The following HHLA2 variants were observed in gnomAD, a reference collection of about 807,000 sequenced individuals.
The protein encoded by HHLA2 is HHLA2 member of B7 family, also known as HERV-H LTR-associating protein 2.
In HHLA2, 48 loss-of-function variants were observed where a neutral mutation model predicts 45.9. The observed-to-expected ratio is 1.05, with a 90% confidence interval of 0.83 to 1.33. The LOEUF (loss-of-function observed/expected upper bound fraction) is 1.33. Ranked by LOEUF, HHLA2 falls within the 40% of genes most tolerant of loss-of-function variation. The pLI is 0.00. For synonymous variants in HHLA2, 161 were observed against 173.9 expected (o/e 0.93, Z 0.59); for missense variants, 462 against 494.3 (o/e 0.93, Z 0.62).
chr3:108,334,820 T>C (rs915143562), intron 3 of HHLA2, among the ~76,000 whole-genome samples: 4 of 152,088 alleles, frequency 2.6e-5, no homozygotes, highest in Admixed American at 6.6e-5. Flanking sequence ...AGGGGTGAGG[T>C]CACCTTATGG....
chr3:108,358,791 A>C (rs543035354), intron 7 of HHLA2, among the ~76,000 whole-genome samples: 72 of 152,332 alleles, frequency 4.7e-4, no homozygotes, highest in African/African-American at 1.7e-3. Flanking sequence ...ACATCATGGC[A>C]GACCATGGCA....
chr3:108,352,414 C>G (rs56110862), intron 4 of HHLA2, among the ~76,000 whole-genome samples: 6,117 of 152,164 alleles, frequency 0.04, 182 homozygotes, highest in Non-Finnish European at 0.054. Flanking sequence ...AGAAAGAGCC[C>G]CAGAAGGGAA....
intron 3 of HHLA2, among the ~76,000 whole-genome samples, chr3:108,340,646 CCTT>C (rs1368045932): frequency 1.6e-4 from 24 of 152,064 alleles, no homozygotes; most frequent in Non-Finnish European, 1.2e-4. Flanking sequence ...TTATACTCTC[CCTT>C]CTTTAGTCTT....
chr3:108,321,168 A>C (rs2081194932), intron 2 of HHLA2, among the ~76,000 whole-genome samples: 2 of 149,972 alleles, frequency 1.3e-5, no homozygotes, highest in Admixed American at 1.3e-4. Context: ...ATGTCCATTT[A>C]GACTCACTCC....
chr3:108,364,198 G>A (rs1425049177), intron 8 of HHLA2, among the ~76,000 whole-genome samples: 1 of 152,094 alleles, frequency 6.6e-6, no homozygotes, highest in Non-Finnish European at 1.5e-5. Context: ...CTGTGTCCAA[G>A]TGATCTCATT....
chr3:108,337,783 G>A (rs1041369178), intron 3 of HHLA2, among the ~76,000 whole-genome samples: 2 of 151,704 alleles, frequency 1.3e-5, no homozygotes, highest in Non-Finnish European at 2.9e-5. Context: ...GAATTGTCTG[G>A]GCCTTTGCTC....
At chr3:108,314,417 T>A (rs1576105261) in intron 2 of HHLA2, among the ~76,000 whole-genome samples, 1 of 152,310 alleles carries the variant, frequency 6.6e-6, no homozygotes, top group Middle Eastern at 3.4e-3. Context: ...CTTCCCCTTT[T>A]GAATCTTTTC....
rs200183681 is a variant in HHLA2, at chr3:108,358,045, A to G, written c.887A>G (p.Asn296Ser). Residue 296 changes from asparagine (N) to serine (S), a missense_variant, in exon 7 of 11, where the codon AAC becomes AGC. Transcript: ENST00000619531. ...TTCTCATGGAACAAAGAGCTGATAA[A>G]CCAGAGTGACTTCTCTATGAATTTG... The G allele has an allele frequency of 2.4e-5, 38 of 1,613,742 alleles. No homozygotes were observed. In the East Asian group the frequency reaches 8.5e-4, roughly 36 times the overall value.
Position 108,343,229 on chromosome 3 carries a change from G to A in HHLA2, c.-26-8559G>A, listed in dbSNP as rs913241054. On this transcript the variant is annotated intron_variant, in intron 3 of 10. Coordinates refer to ENST00000619531, the Ensembl canonical transcript of HHLA2. ...TGAACCTTTCCTGGCTCTAACTTAC[G>A]TATGGATTATGAGTAGAAGACAAGG... 3.9e-5 allele frequency among the ~76,000 whole-genome samples: 6 copies of A among 152,130 alleles called. No individual in the cohort carries two copies. The South Asian group carries it at 1.0e-3, about 26-fold the overall frequency.
intron 8 of HHLA2, among the ~76,000 whole-genome samples, chr3:108,372,511 C>T (rs1415150139): frequency 4.5e-4 from 16 of 35,378 alleles, no homozygotes; most frequent in Non-Finnish European, 1.5e-3. Context: ...ACACAAAAAA[C>T]CCTTCAAAAA....
At chr3:108,357,168 C>A (rs1225915746) in intron 6 of HHLA2, among the ~76,000 whole-genome samples, 4 of 152,100 alleles carry the variant, frequency 2.6e-5, no homozygotes, top group Admixed American at 2.6e-4. Context: ...CATCACTCTC[C>A]TGCAGGTAGA....
intron 6 of HHLA2, among the ~76,000 whole-genome samples, chr3:108,356,943 A>G (rs1001557797): frequency 3.3e-5 from 5 of 152,228 alleles, no homozygotes; most frequent in Non-Finnish European, 5.9e-5. Flanking sequence ...GGAGAAGAAG[A>G]ATATTCCAGG....
At chr3:108,325,726 G>T in intron 2 of HHLA2, 1 of 241,966 alleles carries the variant, frequency 4.1e-6, no homozygotes, top group Non-Finnish European at 8.2e-6. Context: ...ATCCATTATA[G>T]CCGTGCCCGC....
chr3:108,317,735 T>C (rs570072013), intron 2 of HHLA2, among the ~76,000 whole-genome samples: 98 of 151,926 alleles, frequency 6.5e-4, no homozygotes, highest in African/African-American at 2.3e-3. Flanking sequence ...CCACCACAGC[T>C]GGCTAATTTT....
chr3:108,337,525 A>G (rs2081494411), intron 3 of HHLA2, among the ~76,000 whole-genome samples: 1 of 152,156 alleles, frequency 6.6e-6, no homozygotes, highest in South Asian at 2.1e-4. Context: ...TTGTACCGTC[A>G]AAGTTGAATG....
intron 8 of HHLA2, among the ~76,000 whole-genome samples, chr3:108,365,257 C>G (rs2082045612): frequency 6.6e-6 from 1 of 152,188 alleles, no homozygotes; most frequent in East Asian, 1.9e-4. Context: ...ACAGGGAATC[C>G]TTTCCCCATT....
chr3:108,333,203 C>T (rs942228064), intron 3 of HHLA2, among the ~76,000 whole-genome samples: 8 of 152,062 alleles, frequency 5.3e-5, no homozygotes, highest in African/African-American at 9.7e-5. Flanking sequence ...TGAAGCATCC[C>T]GACTTCATAA....
At chr3:108,376,903 C>T (rs1174068873) in intron 10 of HHLA2, 1 of 330,294 alleles carries the variant, frequency 3.0e-6, no homozygotes, top group Non-Finnish European at 5.6e-6. Context: ...TGGAAAGAAA[C>T]ACAACTATAA....
intron 3 of HHLA2, among the ~76,000 whole-genome samples, chr3:108,346,248 G>T (rs1270143310): frequency 6.6e-6 from 1 of 152,124 alleles, no homozygotes; most frequent in Non-Finnish European, 1.5e-5. Flanking sequence ...CTAAATGGTG[G>T]GATTTCACTG....
Sources: allele counts gnomAD v4.1 joint callset (sites outside exome capture counted in the v4.1 genomes callset), GRCh38; gene constraint gnomAD v4.1.1; transcripts MANE v1.5; gene names NCBI Gene and HGNC (gene_info 2026-07-23, HGNC 2026-07-21).